The following TBC1D2B variants were observed in gnomAD, a reference collection of about 807,000 sequenced individuals.
TBC1D2B encodes TBC1 domain family, member 2B.
TBC1D2B carries 64 observed loss-of-function variants against 100.8 expected under a neutral mutation model. The ratio of observed to expected loss-of-function variants is 0.64; its 90% CI spans 0.52 to 0.78. The LOEUF is 0.78. Ranked by LOEUF, TBC1D2B falls within the 30% of genes least tolerant of loss-of-function variation. The pLI is 0.00. For synonymous variants in TBC1D2B, 480 were observed against 479.7 expected (o/e 1.00, Z -0.01); for missense variants, 1,052 against 1,218.4 (o/e 0.86, Z 2.03).
chr15:78,063,740 A>G (rs1040288106), intron 1 of TBC1D2B, among the ~76,000 whole-genome samples: 1 of 152,142 alleles, frequency 6.6e-6, no homozygotes, highest in Non-Finnish European at 1.5e-5. Context: ...TATGGAGAGG[A>G]CAGAAACTTC....
chr15:78,056,686 C>CTTTTTTTTT lies in TBC1D2B; in HGVS notation c.361-2508_361-2500dup, dbSNP rs368714497. On this transcript the variant is annotated intron_variant, in intron 1 of 12. Transcript: ENST00000300584. ...AGCCCAAAGCCCACCCAGTCCTCCT[C>CTTTTTTTTT]TTTTTTTTTTTTTTTTTTTTTTTTT... Among the ~76,000 whole-genome samples, 42 of 112,916 alleles carry CTTTTTTTTT rather than the reference C, an allele frequency of 3.7e-4. 4 individuals are homozygous for CTTTTTTTTT. Among genetic ancestry groups the CTTTTTTTTT allele is most frequent in the African/African-American group, 1.5e-3 (38 of 25,294 alleles). The allele number at this position is 112,916 out of a possible 152,430, so 74.1% of individuals were successfully genotyped here.
rs138988358 is a variant in TBC1D2B, at chr15:78,003,423, T to C, written c.2456A>G (p.Gln819Arg). The part of the protein sequence containing the change: ...KLPRLHGHFE[Q>R]YKVDYTLITF... The stretch of plus-strand genomic sequence containing the variant: ...GATGAGAGTGTAGTCGACTTTGTAC[T>C]GTTCAAAGTGGCCATGCAACCGAGG... The change falls in exon 11 of 13, where the codon CAG (glutamine) becomes CGG (arginine). Residue 819 changes from glutamine (Q) to arginine (R), a missense_variant. This residue lies in a region of TBC1D2B where 373 missense variants were observed against 464.9 expected (regional missense o/e 0.80). Transcript: ENST00000300584. 2,558 of 1,613,502 alleles carry C rather than the reference T, an allele frequency of 1.6e-3. 14 individuals carry two copies. Among genetic ancestry groups the C allele is most frequent in the Middle Eastern group, 8.7e-3 (53 of 6,060 alleles).
intron 10 of TBC1D2B, among the ~76,000 whole-genome samples, chr15:78,004,617 A>G (rs1398186817): frequency 1.3e-5 from 2 of 152,234 alleles, no homozygotes; most frequent in Admixed American, 1.3e-4. Context: ...GTTTCACAAA[A>G]CAATACTTAA....
At chr15:78,054,911 A>G (rs141186246) in intron 1 of TBC1D2B, among the ~76,000 whole-genome samples, 17 of 152,348 alleles carry the variant, frequency 1.1e-4, no homozygotes, top group African/African-American at 4.1e-4. Context: ...TTTATTCATA[A>G]TTGCCAAAAA....
Position 78,012,931 on chromosome 15 carries a change from T to C in TBC1D2B, c.2162A>G (p.Asn721Ser). ...TGAGGTGGGGCAGGAGTAATGTTTG[T>C]TGTTGGGCAGAGTTCGCAGCAAGTC... ...ELDLLRTLPNNKHYSCPTSEG... is the reference protein window; with the variant it reads ...ELDLLRTLPNSKHYSCPTSEG... The change falls in exon 9 of 13, where the codon AAC becomes AGC. Residue 721 changes from asparagine (N) to serine (S), a missense_variant. By Grantham distance (46) the Asn-to-Ser change is conservative. Transcript: ENST00000300584. The C allele has an allele frequency of 1.3e-6, 2 of 1,552,272 alleles. No individual in the cohort carries two copies. The highest frequency in any genetic ancestry group is 1.4e-5 in the African/African-American group (1 of 73,224).
chr15:78,062,043 G>A (rs1039980737), intron 1 of TBC1D2B, among the ~76,000 whole-genome samples: 1 of 152,150 alleles, frequency 6.6e-6, no homozygotes, highest in East Asian at 1.9e-4. Context: ...AAAACACTCT[G>A]TCAAGACCGA....
At chr15:78,024,907 A>G (rs1372889971) in intron 5 of TBC1D2B, among the ~76,000 whole-genome samples, 1 of 152,264 alleles carries the variant, frequency 6.6e-6, no homozygotes, top group East Asian at 1.9e-4. Context: ...ATTGTTGAAT[A>G]GGATGCAGAA....
chr15:78,029,263 T>C (rs1438237046), intron 4 of TBC1D2B, among the ~76,000 whole-genome samples: 1 of 152,054 alleles, frequency 6.6e-6, no homozygotes, highest in Admixed American at 6.6e-5. Flanking sequence ...TTCACCATGT[T>C]AGCCAGGATG....
At position 78,016,639 on chromosome 15, in the gene TBC1D2B, G is replaced by A. The variant is rs1351361006; in HGVS notation, c.1682C>T (p.Thr561Ile). Residue 561 changes from threonine (T) to isoleucine (I), a missense_variant, in exon 8 of 13, where the codon ACC (threonine) becomes ATC (isoleucine). Transcript: ENST00000300584. ...CAGCAACTGGGCTATGACCTCCCGG[G>A]TGGGCCCCTGGTCTTCTGAGCACAC... ...TPVCSEDQGP[T>I]REVIAQLLED... The A allele has an allele frequency of 1.2e-6, 2 of 1,612,780 alleles. No individual in the cohort carries two copies. The highest frequency in any genetic ancestry group is 1.7e-6 in the Non-Finnish European group (2 of 1,179,434).
At position 78,055,686 on chromosome 15, in the gene TBC1D2B, T is replaced by C. The variant is rs372597363; in HGVS notation, c.361-1499A>G. ...ACCTGGCCCCAGTTAAAGAAAAGGA[T>C]CTTTGGGTATTTTCATTACAGGATC... On this transcript the variant is annotated intron_variant, in intron 1 of 12. Coordinates refer to ENST00000300584, the MANE Select transcript of TBC1D2B (RefSeq NM_144572.2). Among the ~76,000 whole-genome samples, 16 of 152,232 alleles carry C rather than the reference T, an allele frequency of 1.1e-4. No homozygotes were observed. In the East Asian group the frequency reaches 2.9e-3, roughly 28 times the overall value.
chr15:78,011,178 G>C (rs1233036798), intron 9 of TBC1D2B, among the ~76,000 whole-genome samples: 1 of 152,188 alleles, frequency 6.6e-6, no homozygotes, highest in African/African-American at 2.4e-5. Context: ...GGCACATAGA[G>C]AGGCTGCCCT....
intron 3 of TBC1D2B, among the ~76,000 whole-genome samples, chr15:78,040,589 A>C (rs1189885828): frequency 1.2e-5 from 1 of 85,836 alleles, no homozygotes; most frequent in African/African-American, 3.7e-5. Context: ...GAAAGGGGAG[A>C]AAGAAAGAGA....
chr15:78,000,865 C>T (rs551922043), intron 12 of TBC1D2B, among the ~76,000 whole-genome samples: 10 of 152,230 alleles, frequency 6.6e-5, no homozygotes, highest in Non-Finnish European at 1.2e-4. Flanking sequence ...ATCTACCCCC[C>T]TTCTCCATCT....
At position 77,995,598 on chromosome 15, in the gene TBC1D2B, T is replaced by C. The variant is rs1225917987; in HGVS notation, c.*2562A>G. ...GGAATCTAGAAACACCTTGAGAAAA[T>C]AGCCTATAAAAATATAAACTGTAGT... On this transcript the variant is annotated 3_prime_UTR_variant, in exon 13 of 13. Coordinates refer to ENST00000300584, the MANE Select transcript of TBC1D2B (RefSeq NM_144572.2). 5 of 152,454 alleles carry C rather than the reference T, an allele frequency of 3.3e-5. No homozygotes were observed. The highest frequency in any genetic ancestry group is 1.9e-4 in the East Asian group (1 of 5,148). The allele number at this position is 152,454 out of a possible 1,614,324, so 9.4% of individuals were successfully genotyped here.
At chr15:78,042,971 G>T (rs1183110262) in intron 3 of TBC1D2B, among the ~76,000 whole-genome samples, 1 of 152,156 alleles carries the variant, frequency 6.6e-6, no homozygotes, top group Non-Finnish European at 1.5e-5. Context: ...GCAGCCACAA[G>T]CCAGGATGAG....
At chr15:78,053,513 C>T (rs998985245) in intron 2 of TBC1D2B, among the ~76,000 whole-genome samples, 9 of 152,208 alleles carry the variant, frequency 5.9e-5, no homozygotes, top group Admixed American at 3.3e-4. Context: ...AGGTTATCTC[C>T]ATGCTGCAAA....
intron 1 of TBC1D2B, among the ~76,000 whole-genome samples, chr15:78,064,359 A>G (rs1412167474): frequency 6.6e-6 from 1 of 152,226 alleles, no homozygotes; most frequent in African/African-American, 2.4e-5. Context: ...AAAGAACAAC[A>G]TAACCAACAA....
intron 1 of TBC1D2B, among the ~76,000 whole-genome samples, chr15:78,069,267 G>C (rs1216152021): frequency 6.6e-6 from 1 of 152,162 alleles, no homozygotes; most frequent in Non-Finnish European, 1.5e-5. Context: ...TCAATGCCGG[G>C]GGCCATTAGG....
chr15:78,000,374 C>T (rs1325278810), intron 12 of TBC1D2B, among the ~76,000 whole-genome samples: 2 of 152,242 alleles, frequency 1.3e-5, no homozygotes, highest in African/African-American at 2.4e-5. Context: ...CTGAGGGCAG[C>T]GGCGCTCCCA....
Sources: allele counts gnomAD v4.1 joint callset (sites outside exome capture counted in the v4.1 genomes callset), GRCh38; gene constraint gnomAD v4.1.1; regional missense constraint gnomAD v4.1.1; transcripts MANE v1.5; gene names NCBI Gene and HGNC (gene_info 2026-07-23, HGNC 2026-07-21).